LTF: variants seen among roughly 807,000 people sequenced by gnomAD.
LTF encodes the protein lactotransferrin, also known as epididymis luminal protein 110.
In LTF, 91 loss-of-function variants were observed where a neutral mutation model predicts 87.2. That is an observed-to-expected ratio of 1.04 (90% CI 0.88 to 1.24). The LOEUF is 1.24. LTF is among the 50% of genes most tolerant of loss of function. The probability of loss-of-function intolerance (pLI) is 0.00; values close to 1 mark genes in which losing one functional copy is unlikely to be tolerated. For missense variants in LTF, 901 were observed against 904.3 expected, an observed-to-expected ratio of 1.00 and a Z score of 0.05; for synonymous variants, 378 against 356.1, an observed-to-expected ratio of 1.06 and a Z score of -0.69.
At chr3:46,468,888 T>C (rs1221264343), upstream of LTF, among the ~76,000 whole-genome samples, 1 of 152,190 alleles carries the variant, frequency 6.6e-6, no homozygotes, top group African/African-American at 2.4e-5. Flanking sequence ...ATTTATGCCA[T>C]GGAATTAGCA....
Position 46,447,331 on chromosome 3 carries a change from A to G in LTF, c.1280T>C (p.Val427Ala). The change falls in exon 10 of 17, where the codon GTG becomes GCG. Residue 427 changes from valine (V) to alanine (A), a missense_variant. Physicochemically the swap from Val to Ala is moderately conservative, Grantham distance 64. Transcript: ENST00000231751. The part of the protein sequence containing the change: ...YVYTAGKCGL[V>A]PVLAENYKSQ... Reference sequence around the variant, plus strand: ...ACTGTAGTTCTCTGCCAGGACAGGCACCAAACCACATTTGCCTGCAGTGTA... The same window carrying G: ...ACTGTAGTTCTCTGCCAGGACAGGCGCCAAACCACATTTGCCTGCAGTGTA... 2 of 1,614,182 alleles carry G rather than the reference A, an allele frequency of 1.2e-6. No individual in the cohort carries two copies. The highest frequency in any genetic ancestry group is 1.7e-6 in the Non-Finnish European group (2 of 1,180,014).
At chr3:46,484,084 A>T (rs895878370) in intron 1 of LTF, among the ~76,000 whole-genome samples, 2 of 152,198 alleles carry the variant, frequency 1.3e-5, no homozygotes, top group African/African-American at 2.4e-5. Flanking sequence ...GAGGCTACAG[A>T]GCAAAGCTTT....
At chr3:46,482,595 GAGAAAGAAAGAAAGAAGAAAGAA>G (rs1204541153) in intron 1 of LTF, among the ~76,000 whole-genome samples, 1 of 78,108 alleles carries the variant, frequency 1.3e-5, no homozygotes, top group Non-Finnish European at 2.9e-5. Context: ...GAGAAAGAGA[GAGAAAGAAAGAAAGAAGAAAGAA>G]AGAAAGAAAG....
intron 6 of LTF, among the ~76,000 whole-genome samples, chr3:46,453,819 C>T (rs1360844892): frequency 6.6e-6 from 1 of 152,172 alleles, no homozygotes; most frequent in African/African-American, 2.4e-5. Flanking sequence ...CAACCTCTGT[C>T]CATCACTATG....
At position 46,443,487 on chromosome 3, in the gene LTF, C is replaced by G; in HGVS notation, c.1609G>C (p.Val537Leu). 1 of 1,614,178 alleles carries G rather than the reference C, an allele frequency of 6.2e-7. No individual in the cohort carries two copies. Among genetic ancestry groups the G allele is most frequent in the Non-Finnish European group, 8.5e-7 (1 of 1,180,022 alleles). The change falls in exon 13 of 17, where the codon GTG becomes CTG. Residue 537 changes from valine (V) to leucine (L), a missense_variant. Val to Leu is a conservative substitution (Grantham distance 32, BLOSUM62 1). Transcript: ENST00000231751. ...TAGTATCTCTCGTTGCTGTTGGGCA[C>G]GCACTTATTCTCACCCTGCTCGTCG... is the stretch of plus-strand genomic sequence containing the variant. ...IGDEQGENKC[V>L]PNSNERYYGY...
chr3:46,454,364 T>C lies in LTF; in HGVS notation c.648-4A>G. On this transcript the variant is annotated splice_polypyrimidine_tract_variant and splice_region_variant and intron_variant, in intron 5 of 16. Transcript: ENST00000231751. ...TCCAGCCCCGTCTCTCAGACACCTG[T>C]GAAAAGAGAAACCATCAGGGGTAAG... is the stretch of plus-strand genomic sequence containing the variant. 1 of 1,613,972 alleles carries C rather than the reference T, an allele frequency of 6.2e-7. No individual in the cohort carries two copies. Among genetic ancestry groups the C allele is most frequent in the Non-Finnish European group, 8.5e-7 (1 of 1,179,898 alleles).
chr3:46,447,987 T>C (rs987382973), intron 9 of LTF, among the ~76,000 whole-genome samples: 7 of 152,134 alleles, frequency 4.6e-5, no homozygotes, highest in Non-Finnish European at 5.9e-5. Context: ...TTATTGATAA[T>C]AGCAAAGTAA....
intron 6 of LTF, 32 bp downstream of exon 6, chr3:46,454,273 T>G (rs1373527950): frequency 6.2e-7 from 1 of 1,603,918 alleles, no homozygotes; most frequent in South Asian, 1.1e-5. Flanking sequence ...ATAAAAGGGG[T>G]CAGTACCCAC....
chr3:46,441,378 CT>C (rs1419132066), intron 14 of LTF, 37 bp downstream of exon 14: 1 of 1,548,620 alleles, frequency 6.5e-7, no homozygotes, highest in Admixed American at 1.8e-5. Flanking sequence ...ATGCCAAAGA[CT>C]CTGCTTTGAA....
At chr3:46,475,362 C>T (rs190856903) in intron 1 of LTF, among the ~76,000 whole-genome samples, 1 of 152,322 alleles carries the variant, frequency 6.6e-6, no homozygotes, top group East Asian at 1.9e-4. Context: ...CAATTCCACA[C>T]AACCTCTTCC....
chr3:46,450,780 C>T, intron 6 of LTF, 107 bp from the exon 7 acceptor site: 1 of 903,062 alleles, frequency 1.1e-6, no homozygotes, highest in East Asian at 2.4e-5. Flanking sequence ...GGGGAGATAG[C>T]TGACAAAACT....
At chr3:46,479,831 A>C (rs936972255) in intron 1 of LTF, among the ~76,000 whole-genome samples, 2 of 152,198 alleles carry the variant, frequency 1.3e-5, no homozygotes, top group African/African-American at 4.8e-5. Context: ...CCCGGCCAGA[A>C]GTGGCTTTGA....
rs371808586 is a variant in LTF, at chr3:46,455,872, G to C, written c.423C>G (p.Thr141=). 3 of 1,613,546 alleles carry C rather than the reference G, an allele frequency of 1.9e-6. No homozygotes were observed. The South Asian group carries it at 3.3e-5, about 18-fold the overall frequency. Residue 141 remains threonine, a synonymous_variant, in exon 4 of 17, where the codon ACC becomes ACG. Transcript: ENST00000231751. The stretch of plus-strand genomic sequence containing the variant: ...TCCCTATAGGGACATTCCATCCAGC[G>C]GTCCTGCGAAGGCCTGTGTGGCAGG... ...LKSCHTGLRR[T]AGWNVPIGTL...
upstream of LTF, among the ~76,000 whole-genome samples, chr3:46,468,945 G>A (rs965895382): frequency 1.3e-5 from 2 of 152,236 alleles, no homozygotes; most frequent in Admixed American, 6.5e-5. Flanking sequence ...CAGAGGGCCA[G>A]TTGACCAGCA....
At chr3:46,449,723 C>T (rs761950382) in intron 8 of LTF, 131 bp downstream of exon 8, 19 of 927,074 alleles carry the variant, frequency 2.0e-5, no homozygotes, top group South Asian at 3.3e-5. Flanking sequence ...AAGACACTCA[C>T]ACCTGCATCA....
intron 1 of LTF, among the ~76,000 whole-genome samples, chr3:46,476,187 C>G (rs1464507788): frequency 1.3e-5 from 2 of 152,150 alleles, no homozygotes; most frequent in African/African-American, 4.8e-5. Context: ...TGATTTTGCA[C>G]TAGATGGGAC....
rs779303338 is a variant in LTF, at chr3:46,456,374, G to C, written c.232C>G (p.Leu78Val). 1.1e-5 allele frequency: 18 copies of C among 1,614,058 alleles called. 1 individual carries two copies. The highest frequency in any genetic ancestry group is 3.3e-4 in the Middle Eastern group (2 of 6,084). Residue 78 changes from leucine (L) to valine (V), a missense_variant, in exon 3 of 17, where the codon CTT becomes GTT. By Grantham distance (32) the Leu-to-Val change is conservative. Coordinates refer to ENST00000231751, the MANE Select transcript of LTF (RefSeq NM_002343.6). The stretch of plus-strand genomic sequence containing the variant: ...GCCTCGTATATGAAACCACCATCAA[G>C]GGTCACAGCATCGGCCCTGTTTTCC... Reference protein sequence around the residue: ...IAENRADAVTLDGGFIYEAGL... With the variant: ...IAENRADAVTVDGGFIYEAGL...
intron 14 of LTF, among the ~76,000 whole-genome samples, chr3:46,440,449 C>T (rs1702491469): frequency 6.6e-6 from 1 of 152,166 alleles, no homozygotes; most frequent in African/African-American, 2.4e-5. Context: ...TCAATCTGAT[C>T]CCTGGAGATT....
intron 15 of LTF, among the ~76,000 whole-genome samples, chr3:46,438,368 C>T (rs1702438028): frequency 6.6e-6 from 1 of 152,242 alleles, no homozygotes; most frequent in Non-Finnish European, 1.5e-5. Flanking sequence ...CTCCTACCAT[C>T]TGCCATCTTT....
Sources: gnomAD v4.1 joint callset for allele counts (sites outside exome capture counted in the v4.1 genomes callset) on GRCh38, gnomAD v4.1.1 for gene constraint, MANE v1.5 for transcripts, NCBI Gene and HGNC (gene_info 2026-07-23, HGNC 2026-07-21) for gene names.